Variants in DHRS7 observed in about 807,000 individuals in gnomAD.
DHRS7 encodes dehydrogenase/reductase SDR family member 7.
In DHRS7, 34 loss-of-function variants were observed where a neutral mutation model predicts 38.9. The ratio of observed to expected loss-of-function variants is 0.87; its 90% CI spans 0.66 to 1.16. DHRS7 has a LOEUF of 1.16. Among genes scored for constraint, DHRS7 ranks in the 50% most tolerant of loss-of-function variants. The probability of loss-of-function intolerance (pLI) is 0.00; values close to 1 mark genes in which losing one functional copy is unlikely to be tolerated. For missense variants in DHRS7, 421 were observed against 407.0 expected (o/e 1.03, Z -0.30); for synonymous variants, 158 against 153.1 (o/e 1.03, Z -0.24).
At position 60,146,242 on chromosome 14, in the gene DHRS7, AT is replaced by A. The variant is rs1175402863; in HGVS notation, c.973-1230del. The A allele has an allele frequency of 9.9e-5, 15 of 152,006 alleles. No individual in the cohort carries two copies. The highest frequency in any genetic ancestry group is 3.6e-4 in the African/African-American group (15 of 41,378). 9.4% of individuals were successfully genotyped at this position (152,006 alleles called of 1,614,324 possible). A position where few individuals can be genotyped will look rare whatever the true frequency, so the allele number is the denominator to read the frequency against. ...TTAGAAAAACCTAGATGTAAAAAAAATGCGAGATTTGCTAAATGATGTTTAT... is the reference window on the plus strand; with the variant it reads ...TTAGAAAAACCTAGATGTAAAAAAAAGCGAGATTTGCTAAATGATGTTTAT... On this transcript the variant is annotated intron_variant, in intron 6 of 6. Coordinates refer to ENST00000557185, the MANE Select transcript of DHRS7 (RefSeq NM_016029.4). This position sits in a 1 kb window ranked among gnomAD's most constrained non-coding sequence, Gnocchi z 4.9.
chr14:60,150,293 T>A, intron 4 of DHRS7, 106 bp from the exon 5 acceptor site: 3 of 1,096,030 alleles, frequency 2.7e-6, no homozygotes, highest in Non-Finnish European at 3.7e-6. Context: ...GGACAGGTAG[T>A]GTAATCATGC....
Position 60,162,196 on chromosome 14 carries a change from A to G in DHRS7, c.133+2981T>C, listed in dbSNP as rs1896776388. 6.6e-6 allele frequency among the ~76,000 whole-genome samples: 1 copy of G among 152,160 alleles called. No homozygotes were observed. Among genetic ancestry groups the G allele is most frequent in the Admixed American group, 6.5e-5 (1 of 15,272 alleles). ...TTCAAGACCAGCCTGGAACATAGTG[A>G]GAGCCTGTTTCTACAAAAAGTTTAA... On this transcript the variant is annotated intron_variant, in intron 1 of 6. Transcript: ENST00000557185. This position sits in a 1 kb window ranked among gnomAD's most constrained non-coding sequence, Gnocchi z 4.5.
intron 2 of DHRS7, among the ~76,000 whole-genome samples, chr14:60,155,489 A>G (rs1368164102): frequency 5.9e-5 from 9 of 152,168 alleles, no homozygotes; most frequent in Non-Finnish European, 1.3e-4. Flanking sequence ...AAATTCAAAC[A>G]AAAATATTAA....
intron 1 of DHRS7, chr14:60,159,179 CT>C (rs1896714258): frequency 2.8e-6 from 1 of 358,914 alleles, no homozygotes; most frequent in Admixed American, 3.7e-5. Flanking sequence ...CCAACATACA[CT>C]TCAAGATCTC....
At chr14:60,168,621 A>G, upstream of DHRS7, 1 of 1,466,560 alleles carries the variant, frequency 6.8e-7, no homozygotes, top group Non-Finnish European at 9.1e-7. Flanking sequence ...TAAAATATGC[A>G]AATATTTTCT....
Position 60,150,191 on chromosome 14 carries a change from A to G in DHRS7, c.634-4T>C, listed in dbSNP as rs758667866. 1.6e-5 allele frequency: 23 copies of G among 1,446,370 alleles called. No individual in the cohort carries two copies. The highest frequency in any genetic ancestry group is 2.1e-5 in the Non-Finnish European group (23 of 1,107,256). The allele number at this position is 1,446,370 out of a possible 1,614,324, so 89.6% of individuals were successfully genotyped here. A position where few individuals can be genotyped will look rare whatever the true frequency, so the allele number is the denominator to read the frequency against. ...TTCGAAGGCCATTAAAAAAACCCTAACAGACAAAAAAAAAAAAAAAGGAAA... is the reference window on the plus strand; with the variant it reads ...TTCGAAGGCCATTAAAAAAACCCTAGCAGACAAAAAAAAAAAAAAAGGAAA... On this transcript the variant is annotated splice_region_variant and splice_polypyrimidine_tract_variant and intron_variant, in intron 4 of 6. Transcript: ENST00000557185.
At chr14:60,152,846 C>T (rs1388273879) in intron 4 of DHRS7, 93 bp downstream of exon 4, 1 of 1,445,062 alleles carries the variant, frequency 6.9e-7, no homozygotes, top group Non-Finnish European at 9.5e-7. Context: ...CCCCACATCA[C>T]TTCCAGTTCC....
intron 1 of DHRS7, among the ~76,000 whole-genome samples, chr14:60,157,725 A>G (rs1896686060): frequency 6.6e-6 from 1 of 150,992 alleles, no homozygotes; most frequent in South Asian, 2.1e-4. Context: ...CAAAGACTGG[A>G]ATATTGAAAA....
intron 1 of DHRS7, among the ~76,000 whole-genome samples, chr14:60,160,837 C>T (rs1353436815): frequency 1.3e-5 from 2 of 152,162 alleles, no homozygotes; most frequent in African/African-American, 4.8e-5. Flanking sequence ...GCGATTTGCC[C>T]ACCTCAGCCT....
At chr14:60,150,940 C>G (rs1896531676) in intron 4 of DHRS7, among the ~76,000 whole-genome samples, 1 of 152,068 alleles carries the variant, frequency 6.6e-6, no homozygotes, top group Admixed American at 6.5e-5. Flanking sequence ...GATATATGCT[C>G]TTCATACCAG....
At chr14:60,147,777 C>T (rs187472801) in intron 6 of DHRS7, 2 of 152,188 alleles carry the variant, frequency 1.3e-5, no homozygotes, top group Admixed American at 1.3e-4. Context: ...TGGGGCAGAG[C>T]TGGGATTTGA....
chr14:60,163,477 C>T (rs1896803685), intron 1 of DHRS7, among the ~76,000 whole-genome samples: 1 of 152,138 alleles, frequency 6.6e-6, no homozygotes, highest in South Asian at 2.1e-4. Context: ...TTTTATGTAA[C>T]TTACTTAGAT....
upstream of DHRS7, chr14:60,168,889 C>A: frequency 9.3e-7 from 1 of 1,079,554 alleles, no homozygotes. Context: ...AACACTTAGG[C>A]ATTGAAAGTG....
upstream of DHRS7, chr14:60,166,397 A>G (rs1165334448): frequency 5.8e-6 from 2 of 344,812 alleles, no homozygotes; most frequent in Non-Finnish European, 8.2e-6. Flanking sequence ...TTCATTTCCT[A>G]GAGTACTTTG....
intron 1 of DHRS7, among the ~76,000 whole-genome samples, chr14:60,164,219 C>T (rs1896821051): frequency 7.0e-6 from 1 of 143,640 alleles, no homozygotes; most frequent in Non-Finnish European, 1.5e-5. Flanking sequence ...AACCAATTCT[C>T]ACCTTGGGAT....
Position 60,165,140 on chromosome 14 carries a change from G to A in DHRS7, c.133+37C>T, listed in dbSNP as rs377273628. Reference sequence around the variant, plus strand: ...GACACGCCTCGGCAGCTCCGAGCCCGGCCTCCCACTCGGGAGAGGCTTTGG... The same window carrying A: ...GACACGCCTCGGCAGCTCCGAGCCCAGCCTCCCACTCGGGAGAGGCTTTGG... On this transcript the variant is annotated intron_variant, in intron 1 of 6. Coordinates refer to ENST00000557185, the MANE Select transcript of DHRS7 (RefSeq NM_016029.4). The surrounding 1 kb of genome is among the most constrained non-coding windows in gnomAD (Gnocchi z 4.6). The A allele has an allele frequency of 2.5e-5, 40 of 1,607,486 alleles. No individual in the cohort carries two copies. In the African/African-American group the frequency reaches 4.1e-4, roughly 17 times the overall value.
chr14:60,151,190 G>A (rs1250579673), intron 4 of DHRS7, among the ~76,000 whole-genome samples: 2 of 151,980 alleles, frequency 1.3e-5, no homozygotes, highest in Non-Finnish European at 2.9e-5. Flanking sequence ...GTAATAAGAG[G>A]GTATGTGGCT....
intron 4 of DHRS7, chr14:60,152,689 C>A (rs1163873776): frequency 2.0e-6 from 1 of 502,558 alleles, no homozygotes; most frequent in South Asian, 2.5e-5. Flanking sequence ...ATCTTTATAT[C>A]CCCAGGGTCT....
At chr14:60,149,684 T>G in intron 5 of DHRS7, 116 bp from the exon 6 acceptor site, 1 of 739,410 alleles carries the variant, frequency 1.4e-6, no homozygotes, top group Non-Finnish European at 2.2e-6. Context: ...TTCATGCCCC[T>G]TAGGAGTCTC....
Sources: allele counts gnomAD v4.1 joint callset (sites outside exome capture counted in the v4.1 genomes callset), GRCh38; gene constraint gnomAD v4.1.1; non-coding constraint Gnocchi (gnomAD v3.1); transcripts MANE v1.5; gene names NCBI Gene and HGNC (gene_info 2026-07-23, HGNC 2026-07-21).